PTPN20: variants seen among roughly 807,000 people sequenced by gnomAD.
The protein encoded by PTPN20 is protein tyrosine phosphatase non-receptor type 20.
PTPN20 carries 9 observed loss-of-function variants against 35.0 expected under a neutral mutation model. That is an observed-to-expected ratio of 0.26 (90% confidence interval 0.15 to 0.45). The LOEUF is 0.45. PTPN20 is among the 20% of genes least tolerant of loss of function. The pLI is 1.00. For missense variants in PTPN20, 111 were observed against 312.5 expected, an observed-to-expected ratio of 0.36 and a Z score of 4.86; for synonymous variants, 32 against 100.2, an observed-to-expected ratio of 0.32 and a Z score of 4.06.
intron 2 of PTPN20, among the ~76,000 whole-genome samples, chr10:46,933,336 A>T (rs1467575718): frequency 1.3e-5 from 2 of 151,692 alleles, no homozygotes; most frequent in Non-Finnish European, 2.9e-5. Context: ...TACAAACATA[A>T]GATCTACCCT....
intron 7 of PTPN20, among the ~76,000 whole-genome samples, chr10:46,970,814 G>A (rs1253046129): frequency 1.2e-5 from 1 of 86,590 alleles, no homozygotes; most frequent in Non-Finnish European, 2.0e-5. Context: ...TAAGTGCCAA[G>A]GATAAAAGGT....
At chr10:46,919,178 C>T (rs1317114803) in intron 1 of PTPN20, among the ~76,000 whole-genome samples, 21 of 152,114 alleles carry the variant, frequency 1.4e-4, no homozygotes, top group East Asian at 1.9e-4. Flanking sequence ...TTTATATGTA[C>T]GGTGGGTTCC....
intron 3 of PTPN20, among the ~76,000 whole-genome samples, chr10:46,941,617 A>G (rs1555136251): frequency 6.9e-6 from 1 of 145,356 alleles, no homozygotes; most frequent in Non-Finnish European, 1.5e-5. Context: ...TATCCTTTAT[A>G]TAGTCTTATA....
chr10:46,953,337 TTCTTTC>T (rs1343674376), intron 5 of PTPN20, among the ~76,000 whole-genome samples: 1 of 55,964 alleles, frequency 1.8e-5, no homozygotes, highest in Non-Finnish European at 3.5e-5. Flanking sequence ...TTCATTTCTT[TTCTTTC>T]TTTCTTTCTT....
chr10:46,953,335 TTTTCTTTCTTTCTTTCTTTC>T lies in PTPN20; in HGVS notation c.340+6704_340+6723del, dbSNP rs201614690. Among the ~76,000 whole-genome samples the T allele has an allele frequency of 4.6e-3, 525 of 113,456 alleles. 28 individuals carry two copies. Among genetic ancestry groups the T allele is most frequent in the African/African-American group, 0.015 (371 of 23,956 alleles). The allele number at this position is 113,456 out of a possible 152,430, so 74.4% of individuals were successfully genotyped here. A position where few individuals can be genotyped will look rare whatever the true frequency, so the allele number is the denominator to read the frequency against. ...TTCCAATGTATATGCCTTTCATTTC[TTTTCTTTCTTTCTTTCTTTC>T]TTTCTTTCTTTCTTTCTTTCTTTCT... On this transcript the variant is annotated intron_variant, in intron 5 of 10. Transcript: ENST00000374339.
chr10:46,951,119 T>C (rs1229169560), intron 5 of PTPN20, among the ~76,000 whole-genome samples: 2 of 151,926 alleles, frequency 1.3e-5, no homozygotes, highest in Non-Finnish European at 2.9e-5. Flanking sequence ...TAATGGGCAA[T>C]ACCAGATTCC....
At chr10:46,950,983 A>G (rs1207071334) in intron 5 of PTPN20, among the ~76,000 whole-genome samples, 3 of 146,744 alleles carry the variant, frequency 2.0e-5, no homozygotes, top group Non-Finnish European at 3.0e-5. Context: ...ATATTCACCC[A>G]TTCTCCAGTT....
chr10:46,925,402 C>T (rs2036889858), intron 1 of PTPN20, among the ~76,000 whole-genome samples: 1 of 146,846 alleles, frequency 6.8e-6, no homozygotes, highest in Non-Finnish European at 1.5e-5. Flanking sequence ...GTATTTTCCA[C>T]CTATTACCTC....
intron 10 of PTPN20, among the ~76,000 whole-genome samples, chr10:47,000,357 T>C (rs2059892977): frequency 6.6e-6 from 1 of 152,162 alleles, no homozygotes; most frequent in Non-Finnish European, 1.5e-5. Flanking sequence ...CAGGACGTCA[T>C]AAAAAGACAT....
At chr10:46,992,882 C>T (rs527285263) in intron 9 of PTPN20, among the ~76,000 whole-genome samples, 117 of 152,304 alleles carry the variant, frequency 7.7e-4, no homozygotes, top group African/African-American at 2.6e-3. Context: ...GCTATCATTT[C>T]GATGAGGCTT....
rs2043197938 is a variant in PTPN20, at chr10:46,940,700, A to AAC, written c.117_118dup (p.Pro40HisfsTer16). ...GACTTTGCCTTCATCAAGTCAGGAA[A>AAC]ACACACCTAGATCAAAGGTAAGACT... is the stretch of plus-strand genomic sequence containing the variant. On this transcript the variant is annotated frameshift_variant, in exon 3 of 11. Transcript: ENST00000374339. LOFTEE classifies it high-confidence loss of function. 6.2e-7 allele frequency: 1 copy of AAC among 1,610,718 alleles called. No individual in the cohort carries two copies. Among genetic ancestry groups the AAC allele is most frequent in the African/African-American group, 1.3e-5 (1 of 74,230 alleles).
At chr10:46,975,986 C>T (rs1267785631) in intron 7 of PTPN20, among the ~76,000 whole-genome samples, 3 of 151,280 alleles carry the variant, frequency 2.0e-5, no homozygotes, top group African/African-American at 4.9e-5. Flanking sequence ...GAATCAGAGT[C>T]TACTTGGAGT....
chr10:47,000,097 T>A, intron 10 of PTPN20, 123 bp downstream of exon 10: 1 of 1,427,778 alleles, frequency 7.0e-7, no homozygotes, highest in Non-Finnish European at 9.9e-7. Context: ...CTGTTTGAGG[T>A]AGACATTAGT....
chr10:46,946,908 A>G (rs1355009980), intron 5 of PTPN20: 2 of 458,796 alleles, frequency 4.4e-6, no homozygotes, highest in African/African-American at 2.1e-5. Flanking sequence ...AAAGTATTAA[A>G]TATGTCAGTT....
rs2060077979 is a variant in PTPN20, at chr10:47,001,978, T to C, written c.*1237T>C. On this transcript the variant is annotated 3_prime_UTR_variant, in exon 11 of 11. Coordinates refer to ENST00000374339, the MANE Select transcript of PTPN20 (RefSeq NM_001042357.5). The stretch of plus-strand genomic sequence containing the variant: ...AATGGAGATCAGAATATTCTATGTA[T>C]TGAGAAAATGTTTAATATCAATCTA... 6.6e-6 allele frequency: 1 copy of C among 152,126 alleles called. No individual in the cohort carries two copies. The highest frequency in any genetic ancestry group is 2.1e-4 in the South Asian group (1 of 4,820). The allele number at this position is 152,126 out of a possible 1,614,324, so 9.4% of individuals were successfully genotyped here.
chr10:46,939,141 T>C, intron 2 of PTPN20, among the ~76,000 whole-genome samples: 1 of 140,642 alleles, frequency 7.1e-6, no homozygotes, highest in East Asian at 2.3e-4. Flanking sequence ...TCATTGAAAG[T>C]CTGATAAAAT....
At chr10:46,939,847 A>C (rs1394075853) in intron 2 of PTPN20, among the ~76,000 whole-genome samples, 5 of 151,502 alleles carry the variant, frequency 3.3e-5, no homozygotes, top group Middle Eastern at 3.4e-3. Flanking sequence ...CATAATTTCT[A>C]TTAGATTTCC....
At chr10:46,999,869 T>C (rs782422494) in intron 9 of PTPN20, 43 bp from the exon 10 acceptor site, 2 of 1,607,960 alleles carry the variant, frequency 1.2e-6, no homozygotes, top group Non-Finnish European at 1.7e-6. Context: ...TTTGTGTTTT[T>C]CCCCCATGTG....
intron 1 of PTPN20, among the ~76,000 whole-genome samples, chr10:46,922,719 T>TGA (rs2035768990): frequency 7.1e-6 from 1 of 140,842 alleles, no homozygotes; most frequent in Non-Finnish European, 1.5e-5. Context: ...GACTCATGGA[T>TGA]CCAGACAGCC....
Sources: gnomAD v4.1 joint callset for allele counts (sites outside exome capture counted in the v4.1 genomes callset) on GRCh38, gnomAD v4.1.1 for gene constraint, MANE v1.5 for transcripts, NCBI Gene and HGNC (gene_info 2026-07-23, HGNC 2026-07-21) for gene names.